The following FBXL17 variants were observed in gnomAD, a reference collection of about 807,000 sequenced individuals.
FBXL17 encodes F-box/LRR-repeat protein 17.
Under a neutral mutation model 66.2 loss-of-function variants are expected in FBXL17, and 22 were observed. The observed-to-expected ratio is 0.33, with a 90% CI of 0.24 to 0.47. The LOEUF is 0.47. FBXL17 is among the 20% of genes least tolerant of loss of function. FBXL17 has a pLI of 1.00. For synonymous variants in FBXL17, 474 were observed against 400.5 expected, an observed-to-expected ratio of 1.18 and a Z score of -2.19; for missense variants, 878 against 948.2, an observed-to-expected ratio of 0.93 and a Z score of 0.97.
intron 6 of FBXL17, among the ~76,000 whole-genome samples, chr5:108,067,806 A>G (rs1748175051): frequency 6.6e-6 from 1 of 152,208 alleles, no homozygotes; most frequent in Non-Finnish European, 1.5e-5. Context: ...CAACATTTGG[A>G]CAAGTAACAA....
At chr5:108,048,857 G>A (rs1189717138) in intron 6 of FBXL17, among the ~76,000 whole-genome samples, 1 of 152,246 alleles carries the variant, frequency 6.6e-6, no homozygotes, top group Non-Finnish European at 1.5e-5. Context: ...GAGATGAGGA[G>A]AATGGAAACA....
chr5:107,932,092 AC>A (rs1750755917), intron 7 of FBXL17, among the ~76,000 whole-genome samples: 1 of 152,148 alleles, frequency 6.6e-6, no homozygotes, highest in African/African-American at 2.4e-5. Context: ...AAAGAGGCAT[AC>A]CCTTGGAAAG....
intron 3 of FBXL17, among the ~76,000 whole-genome samples, chr5:108,348,946 A>C (rs1413322869): frequency 6.6e-6 from 1 of 152,088 alleles, no homozygotes; most frequent in African/African-American, 2.4e-5. Flanking sequence ...CTGGGAGTAC[A>C]GGTGTGTGCC....
intron 8 of FBXL17, among the ~76,000 whole-genome samples, chr5:107,870,637 G>T (rs538223717): frequency 1.1e-4 from 17 of 151,256 alleles, no homozygotes; most frequent in African/African-American, 4.1e-4. Context: ...CCAGGCTGGA[G>T]TGCAGCAGCT....
At chr5:108,105,872 T>C (rs1265545300) in intron 6 of FBXL17, among the ~76,000 whole-genome samples, 1 of 152,212 alleles carries the variant, frequency 6.6e-6, no homozygotes, top group African/African-American at 2.4e-5. Context: ...CTTATTTATT[T>C]ACTTAAGAAA....
intron 4 of FBXL17, among the ~76,000 whole-genome samples, chr5:108,238,678 T>C (rs1454882643): frequency 6.6e-6 from 1 of 152,046 alleles, no homozygotes; most frequent in Non-Finnish European, 1.5e-5. Context: ...GCCAGGCTAA[T>C]ATTCTTTTTT....
At chr5:108,001,491 T>G (rs562238125) in intron 7 of FBXL17, among the ~76,000 whole-genome samples, 55 of 151,364 alleles carry the variant, frequency 3.6e-4, no homozygotes, top group African/African-American at 5.3e-4. Flanking sequence ...GGAAAATTAG[T>G]TTTTTTTTGT....
At chr5:108,168,424 A>G (rs2150013753) in intron 6 of FBXL17, among the ~76,000 whole-genome samples, 1 of 152,338 alleles carries the variant, frequency 6.6e-6, no homozygotes, top group Non-Finnish European at 1.5e-5. Flanking sequence ...TTACTGATGA[A>G]CGGAATATAT....
chr5:107,987,288 T>C (rs984000516), intron 7 of FBXL17, among the ~76,000 whole-genome samples: 1 of 28,140 alleles, frequency 3.6e-5, no homozygotes, highest in East Asian at 9.5e-4. Flanking sequence ...ACATCTGCTA[T>C]TGCTTGTTTT....
At chr5:108,326,928 T>C (rs1024953933) in intron 4 of FBXL17, among the ~76,000 whole-genome samples, 3 of 152,180 alleles carry the variant, frequency 2.0e-5, no homozygotes, top group Non-Finnish European at 2.9e-5. Flanking sequence ...AAAGTTCAAG[T>C]TAAACATACA....
intron 7 of FBXL17, among the ~76,000 whole-genome samples, chr5:107,926,182 C>A (rs1231553843): frequency 6.6e-6 from 1 of 152,114 alleles, no homozygotes; most frequent in African/African-American, 2.4e-5. Context: ...TTGCATAAAT[C>A]CAATTTTACA....
At chr5:108,260,896 C>T (rs779292847) in intron 4 of FBXL17, among the ~76,000 whole-genome samples, 7 of 152,076 alleles carry the variant, frequency 4.6e-5, no homozygotes, top group African/African-American at 7.2e-5. Context: ...GAAAAATCTG[C>T]GATCCCCTGA....
intron 5 of FBXL17, among the ~76,000 whole-genome samples, chr5:108,198,968 A>G (rs1206855668): frequency 6.6e-6 from 1 of 152,264 alleles, no homozygotes; most frequent in East Asian, 1.9e-4. Flanking sequence ...GCAAAAATTT[A>G]TAACTTTGAT....
chr5:108,145,393 TCAGA>T (rs1751514580), intron 6 of FBXL17, among the ~76,000 whole-genome samples: 1 of 152,184 alleles, frequency 6.6e-6, no homozygotes, highest in Non-Finnish European at 1.5e-5. Flanking sequence ...ACTGCTAGAA[TCAGA>T]CAGAACTCTA....
chr5:108,266,862 G>A (rs1005878026), intron 4 of FBXL17, among the ~76,000 whole-genome samples: 1 of 152,072 alleles, frequency 6.6e-6, no homozygotes, highest in Admixed American at 6.6e-5. Flanking sequence ...TTCTGATTGA[G>A]GGCAGTTGGG....
intron 6 of FBXL17, among the ~76,000 whole-genome samples, chr5:108,044,287 C>T (rs1230019845): frequency 6.6e-6 from 1 of 152,046 alleles, no homozygotes; most frequent in Admixed American, 6.5e-5. Flanking sequence ...TTCAATCTAT[C>T]ATCATTAACT....
intron 6 of FBXL17, among the ~76,000 whole-genome samples, chr5:108,110,156 G>A (rs1749974829): frequency 6.6e-6 from 1 of 151,964 alleles, no homozygotes; most frequent in South Asian, 2.1e-4. Flanking sequence ...TGTTCTGTCA[G>A]TACTCATTCT....
intron 6 of FBXL17, among the ~76,000 whole-genome samples, chr5:108,113,121 C>T (rs1750104165): frequency 6.6e-6 from 1 of 152,322 alleles, no homozygotes; most frequent in South Asian, 2.1e-4. Context: ...TTCTTACTTA[C>T]ACCCAGACCA....
At position 108,181,121 on chromosome 5, in the gene FBXL17, T is replaced by A. The variant is rs140221111; in HGVS notation, c.1745+4996A>T. Among the ~76,000 whole-genome samples the A allele has an allele frequency of 2.4e-3, 370 of 152,294 alleles. 4 individuals carry two copies. Among genetic ancestry groups the A allele is most frequent in the Admixed American group, 0.023 (345 of 15,296 alleles). ...AATGCTCAGACCAGTTTTTTACACA[T>A]CAGCTGTTACACCCAAAACATGCTG... On this transcript the variant is annotated intron_variant, in intron 6 of 8. Transcript: ENST00000542267.
Sources: allele counts gnomAD v4.1 joint callset (sites outside exome capture counted in the v4.1 genomes callset), GRCh38; gene constraint gnomAD v4.1.1; transcripts MANE v1.5; gene names NCBI Gene and HGNC (gene_info 2026-07-23, HGNC 2026-07-21).